Variants in PALM2AKAP2 observed in about 807,000 individuals in gnomAD.
PALM2AKAP2 encodes PALM2 and AKAP2 fusion, also known as PALM2-AKAP2 fusion protein.
PALM2AKAP2 carries 37 observed loss-of-function variants against 71.5 expected under a neutral mutation model. That is an observed-to-expected ratio of 0.52 (90% CI 0.40 to 0.68). PALM2AKAP2 has a LOEUF of 0.68. Among genes scored for constraint, PALM2AKAP2 ranks in the 30% least tolerant of loss-of-function variants. PALM2AKAP2 has a pLI of 0.00. For missense variants in PALM2AKAP2, 1,224 were observed against 1,191.8 expected (o/e 1.03, Z -0.40); for synonymous variants, 468 against 478.8 (o/e 0.98, Z 0.29).
At chr9:109,681,877 C>T (rs942103744) in intron 1 of PALM2AKAP2, among the ~76,000 whole-genome samples, 16 of 152,086 alleles carry the variant, frequency 1.1e-4, no homozygotes, top group African/African-American at 3.6e-4. Context: ...ATCAGCACCC[C>T]TCTCCCCATC....
chr9:109,953,617 C>A (rs1264952687), intron 6 of PALM2AKAP2, among the ~76,000 whole-genome samples: 1 of 151,914 alleles, frequency 6.6e-6, no homozygotes, highest in Non-Finnish European at 1.5e-5. Context: ...GCAGGTGGAT[C>A]ATGAGGTCGG....
chr9:109,788,367 T>C (rs1827021345), intron 1 of PALM2AKAP2, among the ~76,000 whole-genome samples: 1 of 152,202 alleles, frequency 6.6e-6, no homozygotes, highest in African/African-American at 2.4e-5. Flanking sequence ...TCAGGACTCA[T>C]AGTAGCAGCA....
At chr9:109,750,273 A>G (rs1289252506) in intron 1 of PALM2AKAP2, among the ~76,000 whole-genome samples, 2 of 152,206 alleles carry the variant, frequency 1.3e-5, no homozygotes, top group Admixed American at 1.3e-4. Context: ...ATTAGTTCCA[A>G]TATGGTGGGG....
chr9:110,034,613 T>C (rs1175671946), intron 7 of PALM2AKAP2, among the ~76,000 whole-genome samples: 1 of 148,480 alleles, frequency 6.7e-6, no homozygotes, highest in Non-Finnish European at 1.5e-5. Flanking sequence ...CCTTTTTTTT[T>C]TTTTTTTTTT....
At chr9:109,806,977 C>T (rs933623652) in intron 1 of PALM2AKAP2, among the ~76,000 whole-genome samples, 1 of 152,036 alleles carries the variant, frequency 6.6e-6, no homozygotes, top group Non-Finnish European at 1.5e-5. Flanking sequence ...AGGAAGTGGG[C>T]AAGCGTGGAA....
chr9:109,953,789 C>T (rs1010638899), intron 6 of PALM2AKAP2, among the ~76,000 whole-genome samples: 5 of 144,510 alleles, frequency 3.5e-5, no homozygotes, highest in Admixed American at 7.1e-5. Context: ...GAGCTGAGAT[C>T]GCACCACTGC....
chr9:109,680,202 T>A (rs1358218385), intron 1 of PALM2AKAP2, among the ~76,000 whole-genome samples: 1 of 152,226 alleles, frequency 6.6e-6, no homozygotes, highest in Non-Finnish European at 1.5e-5. Context: ...TGGTTTGGTT[T>A]TGATTCAAAT....
chr9:109,859,540 A>G (rs1248768498), intron 1 of PALM2AKAP2, among the ~76,000 whole-genome samples: 4 of 152,260 alleles, frequency 2.6e-5, no homozygotes, highest in African/African-American at 9.6e-5. Context: ...TACCCAACAA[A>G]TGTGTACAAA....
At chr9:110,016,484 G>A (rs1432147923) in intron 7 of PALM2AKAP2, among the ~76,000 whole-genome samples, 1 of 152,164 alleles carries the variant, frequency 6.6e-6, no homozygotes, top group Non-Finnish European at 1.5e-5. Flanking sequence ...TTTGATCTTG[G>A]CTCAAGATTT....
intron 6 of PALM2AKAP2, among the ~76,000 whole-genome samples, chr9:110,005,302 G>C (rs773715324): frequency 1.1e-4 from 16 of 152,238 alleles, no homozygotes; most frequent in Admixed American, 6.5e-4. Flanking sequence ...TCCAGATCCT[G>C]TTTGCCTGGG....
At chr9:109,783,619 C>T (rs114912317) in intron 1 of PALM2AKAP2, among the ~76,000 whole-genome samples, 3,735 of 152,178 alleles carry the variant, frequency 0.025, 163 homozygotes, top group African/African-American at 0.086. Flanking sequence ...TTTTTTAATC[C>T]CTTCCTTCAA....
rs749385264 is a variant in PALM2AKAP2 at position 110,156,504 on chromosome 9, T to G, written c.2748+7T>G. The G allele has an allele frequency of 1.3e-6, 2 of 1,589,180 alleles. No individual in the cohort carries two copies. The highest frequency in any genetic ancestry group is 2.7e-5 in the African/African-American group (2 of 74,190). ...GAGAATGGATGATAGTAGTGTAAGTTTTTCCTCCTTTCCTCTTTCACTTCT... is the reference window on the plus strand; with the variant it reads ...GAGAATGGATGATAGTAGTGTAAGTGTTTCCTCCTTTCCTCTTTCACTTCT... On this transcript the variant is annotated splice_region_variant and intron_variant, in intron 3 of 3. Transcript: ENST00000374525.
At chr9:109,727,670 G>A (rs138978371) in intron 1 of PALM2AKAP2, among the ~76,000 whole-genome samples, 91 of 152,304 alleles carry the variant, frequency 6.0e-4, no homozygotes, top group African/African-American at 2.1e-3. Context: ...GAACAGCAAA[G>A]TGAAAGCTTA....
chr9:109,761,773 T>C (rs557833654), intron 1 of PALM2AKAP2, among the ~76,000 whole-genome samples: 23 of 152,364 alleles, frequency 1.5e-4, no homozygotes, highest in African/African-American at 5.5e-4. Context: ...CAGTCTATCA[T>C]TGATGGGCAT....
intron 1 of PALM2AKAP2, among the ~76,000 whole-genome samples, chr9:109,672,658 G>A (rs1587862178): frequency 1.3e-5 from 2 of 151,936 alleles, no homozygotes; most frequent in East Asian, 3.9e-4. Flanking sequence ...CTCATTTTTT[G>A]GGAATAGTTT....
rs114532376 is a variant in PALM2AKAP2, at chr9:109,730,748, A to G, written c.6-49740A>G. On this transcript the variant is annotated intron_variant, in intron 1 of 6. Coordinates refer to the PALM2AKAP2 transcript ENST00000374531. ...AAGGAATGATAATCACCCTTTTCTC[A>G]GGCCAATGGGATGTGTTGCAAAAGA... Among the ~76,000 whole-genome samples, 1,243 of 152,290 alleles carry G rather than the reference A, an allele frequency of 8.2e-3. 19 individuals are homozygous for G. Among genetic ancestry groups the G allele is most frequent in the African/African-American group, 0.028 (1,155 of 41,556 alleles).
At chr9:109,739,123 A>G (rs1185277) in intron 1 of PALM2AKAP2, among the ~76,000 whole-genome samples, 22,359 of 152,302 alleles carry the variant, frequency 0.15, 2,061 homozygotes, top group Non-Finnish European at 0.21. Flanking sequence ...TAGCTGATGC[A>G]TAGCTAGACC....
intron 1 of PALM2AKAP2, among the ~76,000 whole-genome samples, chr9:110,050,117 G>C (rs1230060912): frequency 6.6e-6 from 1 of 152,232 alleles, no homozygotes; most frequent in Non-Finnish European, 1.5e-5. Flanking sequence ...GGTGATTTGG[G>C]AAGACTTCCT....
chr9:110,066,361 T>C (rs1834079275), intron 1 of PALM2AKAP2, among the ~76,000 whole-genome samples: 2 of 152,174 alleles, frequency 1.3e-5, no homozygotes, highest in African/African-American at 4.8e-5. Context: ...ACGCAGATAA[T>C]AGTACTTACC....
Sources: allele counts gnomAD v4.1 joint callset (sites outside exome capture counted in the v4.1 genomes callset), GRCh38; gene constraint gnomAD v4.1.1; transcripts MANE v1.5; gene names NCBI Gene and HGNC (gene_info 2026-07-23, HGNC 2026-07-21).